The following ITGBL1 variants were observed in gnomAD, a reference collection of about 807,000 sequenced individuals.
The protein encoded by ITGBL1 is integrin beta-like protein 1.
A neutral mutation model predicts 68.5 loss-of-function variants in ITGBL1; 51 were observed. The ratio of observed to expected loss-of-function variants is 0.74; its 90% CI spans 0.59 to 0.94. The LOEUF (loss-of-function observed/expected upper bound fraction) is 0.94, where lower values mean the gene tolerates loss of function less well. Ranked by LOEUF, ITGBL1 falls within the 40% of genes least tolerant of loss-of-function variation. The pLI is 0.00. For missense variants in ITGBL1, 649 were observed against 647.4 expected, an observed-to-expected ratio of 1.00 and a Z score of -0.03; for synonymous variants, 209 against 227.3, an observed-to-expected ratio of 0.92 and a Z score of 0.72.
rs1014700257 is a variant in ITGBL1 at position 101,461,573 on chromosome 13, G to A, written c.316+7473G>A. ...TTGCCAGACCCAGTGGTGGGTGACT[G>A]TAGTGCCAGCTATCAGGAGGCTAAT... On this transcript the variant is annotated intron_variant, in intron 2 of 10. Coordinates refer to ENST00000376180, the MANE Select transcript of ITGBL1 (RefSeq NM_004791.3). Among the ~76,000 whole-genome samples the A allele has an allele frequency of 4.6e-5, 7 of 152,126 alleles. No individual in the cohort carries two copies. The East Asian group carries it at 1.3e-3, about 29-fold the overall frequency.
intron 2 of ITGBL1, among the ~76,000 whole-genome samples, chr13:101,511,562 A>G (rs1050455512): frequency 1.3e-5 from 2 of 152,132 alleles, no homozygotes; most frequent in Admixed American, 1.3e-4. Flanking sequence ...GGGTTGACCT[A>G]ATCAGGTAAG....
intron 2 of ITGBL1, among the ~76,000 whole-genome samples, chr13:101,507,745 C>A (rs2139101543): frequency 6.6e-6 from 1 of 151,898 alleles, no homozygotes; most frequent in African/African-American, 2.4e-5. Context: ...AACTTTAAGG[C>A]AAAATAGATA....
At chr13:101,475,646 G>A (rs886843507) in intron 2 of ITGBL1, among the ~76,000 whole-genome samples, 11 of 152,028 alleles carry the variant, frequency 7.2e-5, no homozygotes, top group African/African-American at 2.7e-4. Flanking sequence ...ATTCCCAAAG[G>A]TCCAGGATAA....
At chr13:101,719,743 A>T (rs774077993), downstream of ITGBL1, 5 of 152,122 alleles carry the variant, frequency 3.3e-5, no homozygotes, top group Admixed American at 6.6e-5. Flanking sequence ...TACAATGGAC[A>T]TATGCACATG....
chr13:101,641,860 A>G (rs966628571), intron 7 of ITGBL1, among the ~76,000 whole-genome samples: 7 of 151,206 alleles, frequency 4.6e-5, no homozygotes, highest in Non-Finnish European at 1.0e-4. Flanking sequence ...ATGATTTCCA[A>G]TTTCATCCAT....
chr13:101,676,693 A>C (rs1382753928), intron 7 of ITGBL1, among the ~76,000 whole-genome samples: 1 of 152,162 alleles, frequency 6.6e-6, no homozygotes, highest in Admixed American at 6.5e-5. Context: ...AATACTGTTT[A>C]TTGGATTTTT....
intron 2 of ITGBL1, among the ~76,000 whole-genome samples, chr13:101,544,689 C>T (rs987223226): frequency 3.3e-5 from 5 of 152,180 alleles, no homozygotes; most frequent in Admixed American, 6.5e-5. Flanking sequence ...CCTTGAGCTG[C>T]GGTGGGCTCC....
chr13:101,604,887 T>TATGTATATATATATATATAC, intron 7 of ITGBL1, among the ~76,000 whole-genome samples: 4 of 22,166 alleles, frequency 1.8e-4, no homozygotes, highest in Non-Finnish European at 2.5e-4. Context: ...TATATATATA[T>TATGTATATATATATATATAC]ACACACACAC....
intron 7 of ITGBL1, among the ~76,000 whole-genome samples, chr13:101,658,829 C>T (rs1388888535): frequency 1.3e-5 from 2 of 151,926 alleles, no homozygotes; most frequent in Non-Finnish European, 1.5e-5. Flanking sequence ...AGCAGCGGAG[C>T]ACCTCCCTCA....
At chr13:101,474,841 T>G (rs1302227243) in intron 2 of ITGBL1, among the ~76,000 whole-genome samples, 4 of 152,152 alleles carry the variant, frequency 2.6e-5, no homozygotes, top group Non-Finnish European at 5.9e-5. Context: ...CCTTTACAAG[T>G]CTGTAAGAAT....
intron 2 of ITGBL1, among the ~76,000 whole-genome samples, chr13:101,547,887 G>C (rs9518439): frequency 6.6e-6 from 1 of 151,064 alleles, no homozygotes; most frequent in Non-Finnish European, 1.5e-5. Flanking sequence ...CATTAAATAT[G>C]TGTATATATC....
intron 2 of ITGBL1, among the ~76,000 whole-genome samples, chr13:101,514,459 T>A (rs2049164447): frequency 6.6e-6 from 1 of 152,118 alleles, no homozygotes; most frequent in East Asian, 1.9e-4. Context: ...ATTATTATTT[T>A]TTTTGGTTAG....
At chr13:101,576,571 G>A (rs946426093) in intron 4 of ITGBL1, among the ~76,000 whole-genome samples, 7 of 152,196 alleles carry the variant, frequency 4.6e-5, no homozygotes, top group Non-Finnish European at 8.8e-5. Context: ...AGTTTTAGAA[G>A]TATTGTTTTT....
rs565687482 is a variant in ITGBL1 at position 101,482,922 on chromosome 13, C to T, written c.316+28822C>T. Among the ~76,000 whole-genome samples the T allele has an allele frequency of 1.5e-3, 222 of 152,312 alleles. 1 individual carries two copies. Among genetic ancestry groups the T allele is most frequent in the African/African-American group, 5.1e-3 (211 of 41,568 alleles). On this transcript the variant is annotated intron_variant, in intron 2 of 10. Coordinates refer to ENST00000376180, the MANE Select transcript of ITGBL1 (RefSeq NM_004791.3). ...CTGTGAATTCTCAGTTTCATACTCACGGCATCAGAGACTCTGGCTGTGGAG... is the reference window on the plus strand; with the variant it reads ...CTGTGAATTCTCAGTTTCATACTCATGGCATCAGAGACTCTGGCTGTGGAG...
intron 7 of ITGBL1, among the ~76,000 whole-genome samples, chr13:101,636,259 A>G (rs995066303): frequency 3.3e-5 from 5 of 152,144 alleles, no homozygotes; most frequent in Non-Finnish European, 7.4e-5. Flanking sequence ...AGACACTTTC[A>G]GGAAGAAAAA....
intron 7 of ITGBL1, among the ~76,000 whole-genome samples, chr13:101,661,575 T>C (rs2033091806): frequency 6.6e-6 from 1 of 152,198 alleles, no homozygotes; most frequent in Non-Finnish European, 1.5e-5. Flanking sequence ...AGTCCAGTAA[T>C]AAAACAAACA....
At chr13:101,546,085 T>C (rs1463577866) in intron 2 of ITGBL1, among the ~76,000 whole-genome samples, 1 of 152,198 alleles carries the variant, frequency 6.6e-6, no homozygotes, top group African/African-American at 2.4e-5. Flanking sequence ...AATGTTATGA[T>C]AAAAAATAAT....
At chr13:101,585,318 C>A (rs949494146) in intron 6 of ITGBL1, among the ~76,000 whole-genome samples, 1 of 152,114 alleles carries the variant, frequency 6.6e-6, no homozygotes. Context: ...TATATTTTTT[C>A]CCAGCCTGTT....
chr13:101,707,638 T>C (rs1423973229), intron 9 of ITGBL1, among the ~76,000 whole-genome samples: 1 of 151,812 alleles, frequency 6.6e-6, no homozygotes, highest in Non-Finnish European at 1.5e-5. Context: ...TCAGGAGTTC[T>C]AGACCAGCCT....
Sources: gnomAD v4.1 joint callset for allele counts (sites outside exome capture counted in the v4.1 genomes callset) on GRCh38, gnomAD v4.1.1 for gene constraint, MANE v1.5 for transcripts, NCBI Gene and HGNC (gene_info 2026-07-23, HGNC 2026-07-21) for gene names.